NCALD: variants seen among roughly 807,000 people sequenced by gnomAD.
The protein encoded by NCALD is neurocalcin-delta.
Under a neutral mutation model 18.6 loss-of-function variants are expected in NCALD, and 10 were observed. That is an observed-to-expected ratio of 0.54 (90% confidence interval 0.33 to 0.91). NCALD has a LOEUF of 0.91. Ranked by LOEUF, NCALD falls within the 40% of genes least tolerant of loss-of-function variation. The probability of loss-of-function intolerance (pLI) is 0.03; values close to 1 mark genes in which losing one functional copy is unlikely to be tolerated. For missense variants in NCALD, 184 were observed against 247.6 expected (o/e 0.74, Z 1.72); for synonymous variants, 88 against 87.4 (o/e 1.01, Z -0.04).
At chr8:101,691,224 T>C in intron 3 of NCALD, 1 of 985,290 alleles carries the variant, frequency 1.0e-6, no homozygotes, top group Non-Finnish European at 1.2e-6. Context: ...TTACAGCCCC[T>C]CTTCCTCCTT....
chr8:102,029,443 A>G (rs908314671), intron 1 of NCALD, among the ~76,000 whole-genome samples: 1 of 152,214 alleles, frequency 6.6e-6, no homozygotes, highest in Non-Finnish European at 1.5e-5. Context: ...CATAAGTGAA[A>G]ATCGATATTA....
intron 2 of NCALD, among the ~76,000 whole-genome samples, chr8:101,939,539 T>C (rs979028631): frequency 5.3e-5 from 8 of 152,246 alleles, no homozygotes; most frequent in African/African-American, 1.9e-4. Flanking sequence ...TTTAAGTAGC[T>C]TAACTTTTCT....
intron 1 of NCALD, among the ~76,000 whole-genome samples, chr8:101,746,871 G>T (rs895943570): frequency 2.0e-5 from 3 of 152,038 alleles, no homozygotes; most frequent in African/African-American, 7.2e-5. Context: ...CCACCAAAAA[G>T]ATGTCATATC....
chr8:101,714,653 T>C (rs951918602), intron 2 of NCALD, among the ~76,000 whole-genome samples: 5 of 152,300 alleles, frequency 3.3e-5, no homozygotes, highest in African/African-American at 1.2e-4. Flanking sequence ...TTAAATTTCA[T>C]ATGAAACCAA....
At chr8:101,963,593 G>A (rs769439552) in intron 2 of NCALD, among the ~76,000 whole-genome samples, 16 of 152,140 alleles carry the variant, frequency 1.1e-4, no homozygotes, top group African/African-American at 3.1e-4. Context: ...TAATATATTC[G>A]AGTTTCTGGA....
chr8:101,884,845 ACTTT>A (rs1316115895), intron 4 of NCALD, among the ~76,000 whole-genome samples: 1 of 152,118 alleles, frequency 6.6e-6, no homozygotes, highest in Non-Finnish European at 1.5e-5. Context: ...CTGGAAGAAC[ACTTT>A]AATTATCCTC....
intron 1 of NCALD, among the ~76,000 whole-genome samples, chr8:102,077,745 G>A (rs1824395554): frequency 6.6e-6 from 1 of 152,142 alleles, no homozygotes. Context: ...ACCTTGGTGG[G>A]CCAGATATCA....
At chr8:102,005,267 C>T (rs1821655611) in intron 2 of NCALD, among the ~76,000 whole-genome samples, 1 of 152,170 alleles carries the variant, frequency 6.6e-6, no homozygotes, top group Non-Finnish European at 1.5e-5. Context: ...CCAAAAGACA[C>T]ATGAAAAAAT....
intron 4 of NCALD, among the ~76,000 whole-genome samples, chr8:101,837,884 A>G (rs1169914872): frequency 6.6e-6 from 1 of 152,220 alleles, no homozygotes; most frequent in Non-Finnish European, 1.5e-5. Flanking sequence ...GAAAGTCTCA[A>G]CATTGAAACA....
intron 2 of NCALD, among the ~76,000 whole-genome samples, chr8:101,936,103 G>A (rs1334870473): frequency 6.6e-6 from 1 of 152,150 alleles, no homozygotes; most frequent in Non-Finnish European, 1.5e-5. Context: ...AAGGCCATCA[G>A]CTGAGAGTGA....
At chr8:101,935,839 G>A (rs1281348089) in intron 2 of NCALD, among the ~76,000 whole-genome samples, 1 of 148,918 alleles carries the variant, frequency 6.7e-6, no homozygotes, top group African/African-American at 2.5e-5. Flanking sequence ...GTAAGATGAT[G>A]GAAATGATGC....
At chr8:101,989,606 T>C (rs1196786687) in intron 2 of NCALD, among the ~76,000 whole-genome samples, 4 of 152,228 alleles carry the variant, frequency 2.6e-5, no homozygotes, top group African/African-American at 9.6e-5. Flanking sequence ...GAGCTGTCCA[T>C]ATGCAGTTTA....
intron 1 of NCALD, among the ~76,000 whole-genome samples, chr8:102,099,627 TAAA>T (rs11311408): frequency 7.1e-6 from 1 of 140,826 alleles, no homozygotes; most frequent in African/African-American, 2.6e-5. Context: ...TTGTCATTAA[TAAA>T]AAAAAAAAAA....
chr8:102,015,201 AT>A (rs561417198), intron 2 of NCALD, among the ~76,000 whole-genome samples: 2 of 151,370 alleles, frequency 1.3e-5, no homozygotes, highest in African/African-American at 4.9e-5. Context: ...TCATTTTTGT[AT>A]TTTTTTTCAT....
intron 1 of NCALD, among the ~76,000 whole-genome samples, chr8:102,046,485 A>G (rs1175333850): frequency 1.3e-5 from 2 of 152,082 alleles, no homozygotes; most frequent in African/African-American, 4.8e-5. Flanking sequence ...ATCTTAATTC[A>G]TCTCACAATC....
chr8:102,051,634 A>G (rs1573312), intron 1 of NCALD, among the ~76,000 whole-genome samples: 76,734 of 152,036 alleles, frequency 0.5, 19,881 homozygotes, highest in African/African-American at 0.57. Context: ...AATCTCAAAT[A>G]CATTCTGCTA....
chr8:101,813,189 G>T (rs1037614109), intron 4 of NCALD, among the ~76,000 whole-genome samples: 3 of 152,062 alleles, frequency 2.0e-5, no homozygotes, highest in African/African-American at 7.2e-5. Flanking sequence ...TGTCCAGGAG[G>T]ATCTAACTCA....
intron 4 of NCALD, among the ~76,000 whole-genome samples, chr8:101,827,593 A>G (rs1405030784): frequency 2.0e-5 from 3 of 152,176 alleles, no homozygotes. Flanking sequence ...ACATTGCACA[A>G]CCTCAGGGAT....
chr8:101,803,204 G>C (rs1412569441), intron 4 of NCALD, among the ~76,000 whole-genome samples: 1 of 152,092 alleles, frequency 6.6e-6, no homozygotes, highest in African/African-American at 2.4e-5. Flanking sequence ...AAAATTGTAG[G>C]GCTCTTAAGA....
Sources: allele counts gnomAD v4.1 joint callset (sites outside exome capture counted in the v4.1 genomes callset), GRCh38; gene constraint gnomAD v4.1.1; transcripts MANE v1.5; gene names NCBI Gene and HGNC (gene_info 2026-07-23, HGNC 2026-07-21).